FGFR1OP2: variants seen among roughly 807,000 people sequenced by gnomAD.
FGFR1OP2 encodes fibroblast growth factor receptor 1 oncogene partner 2.
Under a neutral mutation model 35.2 loss-of-function variants are expected in FGFR1OP2, and 17 were observed. The observed-to-expected ratio is 0.48, with a 90% CI of 0.33 to 0.73. The LOEUF is 0.73. FGFR1OP2 is among the 30% of genes least tolerant of loss of function. FGFR1OP2 has a pLI of 0.02. For missense variants in FGFR1OP2, 251 were observed against 307.3 expected, an observed-to-expected ratio of 0.82 and a Z score of 1.37; for synonymous variants, 105 against 104.6, an observed-to-expected ratio of 1.00 and a Z score of -0.03.
intron 1 of FGFR1OP2, among the ~76,000 whole-genome samples, chr12:26,945,717 C>T (rs143995517): frequency 8.9e-4 from 136 of 152,148 alleles, no homozygotes; most frequent in African/African-American, 2.8e-3. Context: ...AAAAATTAGC[C>T]GGACATGGTG....
intron 1 of FGFR1OP2, among the ~76,000 whole-genome samples, chr12:26,951,783 G>T (rs892640084): frequency 1.3e-5 from 2 of 152,040 alleles, no homozygotes; most frequent in East Asian, 1.9e-4. Context: ...ACCTTATTGC[G>T]TTTTATTTGG....
At chr12:26,951,309 C>T (rs750647792) in intron 1 of FGFR1OP2, among the ~76,000 whole-genome samples, 5 of 151,700 alleles carry the variant, frequency 3.3e-5, no homozygotes, top group East Asian at 1.9e-4. Context: ...CGACCAGGCC[C>T]GGCTAATTTT....
At chr12:26,951,933 G>T (rs1938935102) in intron 1 of FGFR1OP2, among the ~76,000 whole-genome samples, 2 of 152,058 alleles carry the variant, frequency 1.3e-5, no homozygotes, top group Non-Finnish European at 2.9e-5. Context: ...TTAAACCAAG[G>T]TAAACTTTAT....
chr12:26,963,711 G>A lies in FGFR1OP2; in HGVS notation c.624+256G>A, dbSNP rs529621559. ...ATATTGCTTATCTTATGAAGTGAATGTACTTCTTCAATTGAGTCATTTTTA... is the reference window on the plus strand; with the variant it reads ...ATATTGCTTATCTTATGAAGTGAATATACTTCTTCAATTGAGTCATTTTTA... On this transcript the variant is annotated intron_variant, in intron 6 of 6. Coordinates refer to ENST00000229395, the MANE Select transcript of FGFR1OP2 (RefSeq NM_015633.3). 2.0e-5 allele frequency among the ~76,000 whole-genome samples: 3 copies of A among 152,148 alleles called. No individual in the cohort carries two copies. The East Asian group carries it at 5.8e-4, about 29-fold the overall frequency.
intron 1 of FGFR1OP2, among the ~76,000 whole-genome samples, chr12:26,947,285 G>C (rs1241219826): frequency 6.6e-6 from 1 of 152,078 alleles, no homozygotes; most frequent in East Asian, 1.9e-4. Context: ...CATCCTAGTA[G>C]GTATATCTCA....
At chr12:26,957,936 TTTGA>T (rs953413457) in intron 4 of FGFR1OP2, 193 bp downstream of exon 4, 5 of 458,394 alleles carry the variant, frequency 1.1e-5, no homozygotes, top group African/African-American at 1.0e-4. Flanking sequence ...TCATTTTCTG[TTTGA>T]TTTATAAACT....
intron 1 of FGFR1OP2, among the ~76,000 whole-genome samples, chr12:26,947,664 G>C (rs776982309): frequency 6.6e-6 from 1 of 152,138 alleles, no homozygotes; most frequent in Non-Finnish European, 1.5e-5. Context: ...TTACAGGTGT[G>C]AGCCACTATG....
At chr12:26,964,553 CTTGTAGATAGTGA>C in intron 6 of FGFR1OP2, 30 bp from the exon 7 acceptor site, 3 of 1,596,610 alleles carry the variant, frequency 1.9e-6, no homozygotes, top group Non-Finnish European at 2.6e-6. Context: ...TTGTAGCTAC[CTTGTAGATAGTGA>C]CTGCATCTTT....
chr12:26,940,070 C>T (rs1360064444), intron 1 of FGFR1OP2, among the ~76,000 whole-genome samples: 3 of 152,134 alleles, frequency 2.0e-5, no homozygotes, highest in African/African-American at 7.2e-5. Flanking sequence ...TTTATTTTTA[C>T]AGTATCTATT....
intron 1 of FGFR1OP2, among the ~76,000 whole-genome samples, chr12:26,951,261 C>T (rs994602881): frequency 1.3e-5 from 2 of 151,810 alleles, no homozygotes; most frequent in African/African-American, 4.8e-5. Context: ...GATTCTCCTG[C>T]CTCAGCCTCC....
intron 2 of FGFR1OP2, 45 bp from the exon 3 acceptor site, chr12:26,956,498 A>ATT: frequency 2.1e-6 from 1 of 484,188 alleles, no homozygotes; most frequent in Non-Finnish European, 3.4e-6. Flanking sequence ...ATATATATAT[A>ATT]TATTTGCAGG....
At chr12:26,939,275 GC>G (rs1340291757) in intron 1 of FGFR1OP2, among the ~76,000 whole-genome samples, 3 of 140,762 alleles carry the variant, frequency 2.1e-5, no homozygotes, top group Admixed American at 1.4e-4. Context: ...TGCCCCCTCT[GC>G]CCCCCGCCCT....
At chr12:26,964,066 AAGG>A (rs1231319830) in intron 6 of FGFR1OP2, among the ~76,000 whole-genome samples, 12 of 152,140 alleles carry the variant, frequency 7.9e-5, no homozygotes, top group African/African-American at 2.9e-4. Context: ...AACTAACCAA[AAGG>A]AGGCCAGAAA....
intron 1 of FGFR1OP2, among the ~76,000 whole-genome samples, chr12:26,944,285 T>C (rs528112452): frequency 1.3e-5 from 2 of 152,302 alleles, no homozygotes; most frequent in South Asian, 4.1e-4. Flanking sequence ...CCTAGCCTTA[T>C]TACACCAATG....
At position 26,963,365 on chromosome 12, in the gene FGFR1OP2, G is replaced by A. The variant is rs746166457; in HGVS notation, c.534G>A (p.Gln178=). 1.2e-6 allele frequency: 2 copies of A among 1,608,822 alleles called. No individual in the cohort carries two copies. Among genetic ancestry groups the A allele is most frequent in the African/African-American group, 1.3e-5 (1 of 74,720 alleles). ...AGGAACTGCAAGCACATGTTGACCA[G>A]ATAACTGAAATGGCAGCAGTAATGA... ...NQNELQAHVD[Q]ITEMAAVMRK... Residue 178 remains glutamine (Q), a synonymous_variant, in exon 6 of 7, where the codon CAG becomes CAA. Transcript: ENST00000229395.
chr12:26,946,152 T>C (rs527325842), intron 1 of FGFR1OP2, among the ~76,000 whole-genome samples: 2 of 152,198 alleles, frequency 1.3e-5, no homozygotes, highest in Non-Finnish European at 2.9e-5. Context: ...TATATATCCC[T>C]TCAGTTGTTT....
chr12:26,959,914 A>C (rs533802682), intron 4 of FGFR1OP2, among the ~76,000 whole-genome samples: 2 of 152,254 alleles, frequency 1.3e-5, no homozygotes, highest in Admixed American at 1.3e-4. Flanking sequence ...ACAATCTACT[A>C]TAAGGTAGGG....
At chr12:26,949,500 G>A (rs1205910664) in intron 1 of FGFR1OP2, among the ~76,000 whole-genome samples, 1 of 152,032 alleles carries the variant, frequency 6.6e-6, no homozygotes, top group Admixed American at 6.6e-5. Context: ...GCTATCCAAG[G>A]TAAGTTTTCC....
Position 26,957,860 on chromosome 12 carries a change from T to C in FGFR1OP2, c.396+117T>C, listed in dbSNP as rs1010514029. ...CTAGTAATGGCATTTTAACATGATG[T>C]TGAATGTTTCATCTTTTTAATTGAC... On this transcript the variant is annotated intron_variant, in intron 4 of 6. Coordinates refer to ENST00000229395, the MANE Select transcript of FGFR1OP2 (RefSeq NM_015633.3). 4 of 760,642 alleles carry C rather than the reference T, an allele frequency of 5.3e-6. No individual in the cohort carries two copies. The African/African-American group carries it at 7.3e-5, about 14-fold the overall frequency. The allele number at this position is 760,642 out of a possible 1,614,324, so 47.1% of individuals were successfully genotyped here.
Sources: gnomAD v4.1 joint callset for allele counts (sites outside exome capture counted in the v4.1 genomes callset) on GRCh38, gnomAD v4.1.1 for gene constraint, MANE v1.5 for transcripts, NCBI Gene and HGNC (gene_info 2026-07-23, HGNC 2026-07-21) for gene names.